LPP: variants seen among roughly 807,000 people sequenced by gnomAD.
The protein encoded by LPP is lipoma-preferred partner.
A neutral mutation model predicts 60.4 loss-of-function variants in LPP; 38 were observed. The ratio of observed to expected loss-of-function variants is 0.63; its 90% confidence interval spans 0.49 to 0.83. The LOEUF (loss-of-function observed/expected upper bound fraction) is 0.83. LPP is among the 40% of genes least tolerant of loss of function. The pLI is 0.00. For missense variants in LPP, 902 were observed against 783.6 expected (o/e 1.15, Z -1.80); for synonymous variants, 328 against 290.8 (o/e 1.13, Z -1.30).
intron 7 of LPP, among the ~76,000 whole-genome samples, chr3:188,670,575 C>T (rs1856768836): frequency 6.6e-6 from 1 of 151,884 alleles, no homozygotes; most frequent in Non-Finnish European, 1.5e-5. Context: ...GAACTCTTTT[C>T]AGATGAGAGC....
At chr3:188,441,681 T>C (rs1386228357) in intron 4 of LPP, among the ~76,000 whole-genome samples, 7 of 135,862 alleles carry the variant, frequency 5.2e-5, no homozygotes, top group Non-Finnish European at 7.7e-5. Context: ...AGTGCAGTGG[T>C]GTGATCTCGG....
At chr3:188,378,354 C>T (rs1269227322) in intron 3 of LPP, among the ~76,000 whole-genome samples, 3 of 152,226 alleles carry the variant, frequency 2.0e-5, no homozygotes, top group Non-Finnish European at 4.4e-5. Flanking sequence ...GTGGGCTCCA[C>T]CGAGTTCAAG....
chr3:188,348,781 G>C (rs755047414), intron 3 of LPP, among the ~76,000 whole-genome samples: 1 of 152,068 alleles, frequency 6.6e-6, no homozygotes, highest in African/African-American at 2.4e-5. Flanking sequence ...CATTCACTTC[G>C]GCCCTCGCCC....
intron 2 of LPP, among the ~76,000 whole-genome samples, chr3:188,291,140 G>T (rs866797631): frequency 6.6e-6 from 1 of 152,096 alleles, no homozygotes; most frequent in African/African-American, 2.4e-5. Context: ...ACTCTAAGAC[G>T]AACAATTCTT....
chr3:188,815,583 G>A (rs73888915), intron 9 of LPP, among the ~76,000 whole-genome samples: 4,171 of 151,874 alleles, frequency 0.027, 190 homozygotes, highest in African/African-American at 0.094. Flanking sequence ...TGACTCTTAC[G>A]CTTAGGCAAG....
intron 8 of LPP, among the ~76,000 whole-genome samples, chr3:188,730,674 C>T (rs905532806): frequency 2.2e-4 from 33 of 152,154 alleles, no homozygotes; most frequent in African/African-American, 7.2e-4. Context: ...GTTTATGATA[C>T]CTCTAAACTT....
intron 9 of LPP, among the ~76,000 whole-genome samples, chr3:188,764,520 T>C (rs1479125457): frequency 6.6e-6 from 1 of 152,098 alleles, no homozygotes; most frequent in Non-Finnish European, 1.5e-5. Flanking sequence ...ATAAATGTCA[T>C]GGAAGGAATA....
At chr3:188,466,148 T>G (rs2149479971) in intron 4 of LPP, among the ~76,000 whole-genome samples, 1 of 152,226 alleles carries the variant, frequency 6.6e-6, no homozygotes, top group Middle Eastern at 3.4e-3. Context: ...AGAATATAAC[T>G]TTGTGGAAAT....
intron 9 of LPP, among the ~76,000 whole-genome samples, chr3:188,812,754 A>G (rs1446369204): frequency 7.1e-6 from 1 of 140,834 alleles, no homozygotes; most frequent in Non-Finnish European, 1.5e-5. Flanking sequence ...CCCAGGAGCT[A>G]ATTATACTCT....
At chr3:188,810,215 C>CAAT (rs774269516) in intron 9 of LPP, among the ~76,000 whole-genome samples, 1 of 151,752 alleles carries the variant, frequency 6.6e-6, no homozygotes, top group Non-Finnish European at 1.5e-5. Context: ...TTTCTGTTAC[C>CAAT]AATAGTATGG....
At chr3:188,300,992 CTA>C (rs1749656882) in intron 2 of LPP, among the ~76,000 whole-genome samples, 1 of 152,114 alleles carries the variant, frequency 6.6e-6, no homozygotes, top group Non-Finnish European at 1.5e-5. Context: ...CCCTTTGTCT[CTA>C]TGCATTTCTA....
At chr3:188,334,357 G>GTTT (rs71167094) in intron 2 of LPP, among the ~76,000 whole-genome samples, 4 of 132,510 alleles carry the variant, frequency 3.0e-5, no homozygotes, top group East Asian at 2.2e-4. Flanking sequence ...TATTGAAAAT[G>GTTT]TTTTTTTTTT....
chr3:188,661,777 C>T (rs1854631695), intron 7 of LPP, among the ~76,000 whole-genome samples: 1 of 152,148 alleles, frequency 6.6e-6, no homozygotes, highest in African/African-American at 2.4e-5. Flanking sequence ...TGACATGCAC[C>T]CTGCCTCATC....
intron 5 of LPP, among the ~76,000 whole-genome samples, chr3:188,510,862 C>T (rs1411434705): frequency 6.6e-6 from 1 of 152,160 alleles, no homozygotes; most frequent in South Asian, 2.1e-4. Context: ...TCTGATTTCT[C>T]TATTCAGCTA....
At chr3:188,249,074 T>C (rs886454076) in intron 2 of LPP, among the ~76,000 whole-genome samples, 3 of 152,200 alleles carry the variant, frequency 2.0e-5, no homozygotes, top group African/African-American at 7.2e-5. Context: ...AGAAATTTTA[T>C]GGAATTGCTT....
At chr3:188,533,337 G>A (rs1033505741) in intron 6 of LPP, among the ~76,000 whole-genome samples, 1 of 152,182 alleles carries the variant, frequency 6.6e-6, no homozygotes, top group Non-Finnish European at 1.5e-5. Flanking sequence ...ACTACAACAT[G>A]CTGATACTGT....
chr3:188,706,448 T>C (rs1031486352), intron 7 of LPP, among the ~76,000 whole-genome samples: 4 of 152,252 alleles, frequency 2.6e-5, no homozygotes, highest in African/African-American at 9.6e-5. Flanking sequence ...AAAATATTTT[T>C]GGCCTTTTCA....
At chr3:188,336,336 C>A (rs1473005524) in intron 2 of LPP, among the ~76,000 whole-genome samples, 3 of 152,072 alleles carry the variant, frequency 2.0e-5, no homozygotes, top group Non-Finnish European at 4.4e-5. Context: ...TGTAGGCTTC[C>A]CACAGAGCCA....
chr3:188,504,633 T>C (rs568225673), intron 5 of LPP, among the ~76,000 whole-genome samples: 12 of 152,290 alleles, frequency 7.9e-5, no homozygotes, highest in African/African-American at 2.6e-4. Context: ...GTCTCTGTGC[T>C]AAGTATTAGC....
Sources: allele counts gnomAD v4.1 joint callset (sites outside exome capture counted in the v4.1 genomes callset), GRCh38; gene constraint gnomAD v4.1.1; transcripts MANE v1.5; gene names NCBI Gene and HGNC (gene_info 2026-07-23, HGNC 2026-07-21).